The following RAB8A variants were observed in gnomAD, a reference collection of about 807,000 sequenced individuals.
RAB8A encodes RAB8A, member RAS oncogene family.
RAB8A carries 5 observed loss-of-function variants against 29.2 expected under a neutral mutation model. The observed-to-expected ratio is 0.17, with a 90% CI of 0.09 to 0.36. RAB8A has a LOEUF of 0.36. Ranked by LOEUF, RAB8A falls within the 10% of genes least tolerant of loss-of-function variation. The pLI, the probability that RAB8A is intolerant of heterozygous loss-of-function variation, is 1.00. For synonymous variants in RAB8A, 108 were observed against 99.9 expected, an observed-to-expected ratio of 1.08 and a Z score of -0.49; for missense variants, 171 against 272.2, an observed-to-expected ratio of 0.63 and a Z score of 2.62.
At chr19:16,114,075 C>T (rs1316301313) in intron 1 of RAB8A, among the ~76,000 whole-genome samples, 1 of 151,982 alleles carries the variant, frequency 6.6e-6, no homozygotes, top group Non-Finnish European at 1.5e-5. Context: ...TTAATTCAGC[C>T]TGGGCAACAT....
intron 3 of RAB8A, chr19:16,124,848 C>T (rs116059303): frequency 1.3e-5 from 2 of 158,210 alleles, no homozygotes; most frequent in South Asian, 1.8e-4. Context: ...GGGGCTGCCC[C>T]GAAGCTCTTC....
At chr19:16,120,695 C>T (rs1391508179) in intron 2 of RAB8A, among the ~76,000 whole-genome samples, 1 of 151,576 alleles carries the variant, frequency 6.6e-6, no homozygotes, top group Non-Finnish European at 1.5e-5. Flanking sequence ...ACTGCAACCT[C>T]CACCTCCCAG....
intron 1 of RAB8A, among the ~76,000 whole-genome samples, chr19:16,117,185 T>TCC (rs2090849898): frequency 1.3e-5 from 2 of 152,128 alleles, no homozygotes; most frequent in Admixed American, 1.3e-4. Context: ...TTGGTGGACA[T>TCC]ACTAGAAAGT....
intron 1 of RAB8A, among the ~76,000 whole-genome samples, chr19:16,116,557 G>A (rs1395109149): frequency 2.0e-5 from 3 of 152,112 alleles, no homozygotes; most frequent in Middle Eastern, 3.2e-3. Flanking sequence ...AGGCACGCAC[G>A]GTGGCACAGT....
At position 16,133,648 on chromosome 19, in the gene RAB8A, C is replaced by T. The variant is rs1044841197; in HGVS notation, c.*1344C>T. The stretch of plus-strand genomic sequence containing the variant: ...TCTTAAAGTCCAAGGATTTTTATGT[C>T]CACATTTTCCCTGTAGGCCACACGG... On this transcript the variant is annotated 3_prime_UTR_variant, in exon 8 of 8. Transcript: ENST00000300935. The T allele has an allele frequency of 2.6e-5, 4 of 152,700 alleles. No individual in the cohort carries two copies. The highest frequency in any genetic ancestry group is 5.9e-5 in the Non-Finnish European group (4 of 68,096). The allele number at this position is 152,700 out of a possible 1,614,324, so 9.5% of individuals were successfully genotyped here.
In RAB8A at chr19:16,132,265, G is replaced by A; in HGVS notation, c.585G>A (p.Gln195=). ...SNQGVKITPD[Q]QKRSSFFRCV... ...AGGGAGTCAAAATCACACCGGACCA[G>A]CAGAAGAGGAGCAGCTTTTTCCGAT... is the stretch of plus-strand genomic sequence containing the variant. The change falls in exon 8 of 8, where the codon CAG becomes CAA. Residue 195 remains glutamine, a synonymous_variant. Transcript: ENST00000300935. The surrounding 1 kb of genome is among the most constrained non-coding windows in gnomAD (Gnocchi z 5.6). 6.2e-7 allele frequency: 1 copy of A among 1,614,130 alleles called. No individual in the cohort carries two copies. Among genetic ancestry groups the A allele is most frequent in the Non-Finnish European group, 8.5e-7 (1 of 1,180,022 alleles).
intron 6 of RAB8A, among the ~76,000 whole-genome samples, chr19:16,128,383 T>TA (rs2090911033): frequency 6.6e-6 from 1 of 152,142 alleles, no homozygotes; most frequent in Non-Finnish European, 1.5e-5. Context: ...GTGAGGAAAC[T>TA]AAGGCTCAGA....
intron 4 of RAB8A, chr19:16,126,237 C>A (rs114241600): frequency 0.013 from 2,023 of 158,930 alleles, 46 homozygotes; most frequent in African/African-American, 0.044. Context: ...CAGGCCAGGC[C>A]GAGAGGCCAC....
intron 1 of RAB8A, 114 bp downstream of exon 1, chr19:16,112,139 C>A (rs1599393163): frequency 1.4e-6 from 2 of 1,424,460 alleles, no homozygotes; most frequent in Non-Finnish European, 1.9e-6. Flanking sequence ...CTGAGAGGGT[C>A]GAGGGGGCCT....
chr19:16,114,440 G>A (rs1157896139), intron 1 of RAB8A, among the ~76,000 whole-genome samples: 5 of 140,180 alleles, frequency 3.6e-5, no homozygotes, highest in Admixed American at 3.0e-4. Flanking sequence ...GCAGTGGCGC[G>A]ATCTCGGCTC....
rs1034479301 is a variant in RAB8A, at chr19:16,131,744, G to T, written c.532-468G>T. ...TGGATGAGTGGATGGTTCTTGGTTG[G>T]AAGGGATGGATGGTTGGTTGATTGG... On this transcript the variant is annotated intron_variant, in intron 7 of 7. Transcript: ENST00000300935. Among the ~76,000 whole-genome samples, 35 of 151,650 alleles carry T rather than the reference G, an allele frequency of 2.3e-4. 1 individual carries two copies. Among genetic ancestry groups the T allele is most frequent in the African/African-American group, 8.0e-4 (33 of 41,322 alleles).
intron 2 of RAB8A, among the ~76,000 whole-genome samples, chr19:16,119,369 C>G (rs546064331): frequency 6.6e-6 from 1 of 152,130 alleles, no homozygotes; most frequent in Non-Finnish European, 1.5e-5. Context: ...CCACGCCCAA[C>G]TAATTTTGTA....
Position 16,111,972 on chromosome 19 carries a change from T to C in RAB8A, c.71T>C (p.Val24Ala). 1 of 1,614,042 alleles carries C rather than the reference T, an allele frequency of 6.2e-7. No individual in the cohort carries two copies. The highest frequency in any genetic ancestry group is 8.5e-7 in the Non-Finnish European group (1 of 1,179,892). Residue 24 changes from valine to alanine, a missense_variant, in exon 1 of 8, where the codon GTC (valine) becomes GCC (alanine). Physicochemically the swap from Val to Ala is moderately conservative, Grantham distance 64. Around this residue, in one of 3 missense-constraint regions of RAB8A, gnomAD observed 26 missense variants for 42.9 expected, o/e 0.61. Transcript: ENST00000300935. ...GACTCGGGGGTGGGGAAGACCTGTG[T>C]CCTGTTCCGCTTCTCCGAGGACGCC... The part of the protein sequence containing the change: ...IGDSGVGKTC[V>A]LFRFSEDAFN...
chr19:16,132,491 T>C lies in RAB8A; in HGVS notation c.*187T>C. ...GTAACTGTCTGATCTTTTTCAACTT[T>C]GGAGATGGAATAAGTTAAAAATTTG... On this transcript the variant is annotated 3_prime_UTR_variant, in exon 8 of 8. Coordinates refer to ENST00000300935, the MANE Select transcript of RAB8A (RefSeq NM_005370.5). The surrounding 1 kb of genome is among the most constrained non-coding windows in gnomAD (Gnocchi z 5.6). 5 of 607,426 alleles carry C rather than the reference T, an allele frequency of 8.2e-6. No homozygotes were observed. The highest frequency in any genetic ancestry group is 1.4e-5 in the Non-Finnish European group (5 of 345,382). The allele number at this position is 607,426 out of a possible 1,614,324, so 37.6% of individuals were successfully genotyped here.
chr19:16,121,848 T>G, intron 3 of RAB8A, 38 bp downstream of exon 3: 2 of 1,567,122 alleles, frequency 1.3e-6, no homozygotes, highest in East Asian at 4.5e-5. Context: ...ATCTGCTTTT[T>G]AAGTCAACAT....
chr19:16,118,304 C>T lies in RAB8A; in HGVS notation c.185+18C>T. ...CAGATATGGTAAGAGTCATTGTTCT[C>T]TGTCATTCTCTCCACCTGGCAATGG... On this transcript the variant is annotated intron_variant, in intron 2 of 7. Transcript: ENST00000300935. 1.2e-6 allele frequency: 2 copies of T among 1,604,092 alleles called. No homozygotes were observed. The highest frequency in any genetic ancestry group is 1.7e-6 in the Non-Finnish European group (2 of 1,172,768).
At chr19:16,115,537 C>G (rs1389687834) in intron 1 of RAB8A, among the ~76,000 whole-genome samples, 3 of 152,192 alleles carry the variant, frequency 2.0e-5, no homozygotes, top group Non-Finnish European at 2.9e-5. Context: ...CCCATTGATT[C>G]CTCCAGTGAA....
In RAB8A at chr19:16,132,268, G is replaced by T. The variant is rs765092264; in HGVS notation, c.588G>T (p.Gln196His). The T allele has an allele frequency of 1.9e-6, 3 of 1,614,108 alleles. No homozygotes were observed. In the Admixed American group the frequency reaches 5.0e-5, roughly 27 times the overall value. Residue 196 changes from glutamine (Q) to histidine (H), a missense_variant, in exon 8 of 8, where the codon CAG becomes CAT. By Grantham distance (24) the Gln-to-His change is conservative (BLOSUM62 0). Transcript: ENST00000300935. This position sits in a 1 kb window ranked among gnomAD's most constrained non-coding sequence, Gnocchi z 5.6. ...NQGVKITPDQ[Q>H]KRSSFFRCVL... ...GAGTCAAAATCACACCGGACCAGCA[G>T]AAGAGGAGCAGCTTTTTCCGATGTG...
chr19:16,117,010 T>G (rs2090848799), intron 1 of RAB8A, among the ~76,000 whole-genome samples: 1 of 152,196 alleles, frequency 6.6e-6, no homozygotes, highest in African/African-American at 2.4e-5. Context: ...ACATGTCTGT[T>G]AATGGAATCT....
Sources: gnomAD v4.1 joint callset for allele counts (sites outside exome capture counted in the v4.1 genomes callset) on GRCh38, gnomAD v4.1.1 for gene constraint, gnomAD v4.1.1 regional missense constraint, Gnocchi (gnomAD v3.1) non-coding constraint, MANE v1.5 for transcripts, NCBI Gene and HGNC (gene_info 2026-07-23, HGNC 2026-07-21) for gene names.